The following MAGI1 variants were observed in gnomAD, a reference collection of about 807,000 sequenced individuals.
The protein encoded by MAGI1 is membrane-associated guanylate kinase, WW and PDZ domain-containing protein 1.
A neutral mutation model predicts 139.9 loss-of-function variants in MAGI1; 58 were observed. The ratio of observed to expected loss-of-function variants is 0.41; its 90% CI spans 0.34 to 0.52. The LOEUF (loss-of-function observed/expected upper bound fraction) is 0.52, where lower values mean the gene tolerates loss of function less well. MAGI1 is among the 20% of genes least tolerant of loss of function. MAGI1 has a pLI of 0.12. For missense variants in MAGI1, 1,874 were observed against 1,901.6 expected, an observed-to-expected ratio of 0.99 and a Z score of 0.27; for synonymous variants, 812 against 737.9, an observed-to-expected ratio of 1.10 and a Z score of -1.63.
intron 1 of MAGI1, among the ~76,000 whole-genome samples, chr3:65,782,232 T>C (rs992058345): frequency 1.3e-5 from 2 of 152,200 alleles, no homozygotes; most frequent in Admixed American, 1.3e-4. Flanking sequence ...AATAGGATTA[T>C]CTGGGTGGGC....
chr3:65,417,170 G>A (rs777799289), intron 12 of MAGI1, among the ~76,000 whole-genome samples: 5 of 152,162 alleles, frequency 3.3e-5, no homozygotes, highest in Admixed American at 1.3e-4. Context: ...GGGGCCTGTC[G>A]GAGGGCGGCA....
At chr3:65,378,825 G>C (rs1297240542) in intron 17 of MAGI1, among the ~76,000 whole-genome samples, 1 of 151,988 alleles carries the variant, frequency 6.6e-6, no homozygotes, top group Non-Finnish European at 1.5e-5. Context: ...GGGATTACAG[G>C]CATGCACTAC....
At chr3:65,837,843 A>C (rs1040850267) in intron 1 of MAGI1, among the ~76,000 whole-genome samples, 4 of 152,150 alleles carry the variant, frequency 2.6e-5, no homozygotes, top group Admixed American at 2.0e-4. Flanking sequence ...TTCGTCTTTA[A>C]AGGTCTAATA....
At chr3:65,497,870 G>A (rs1028842065) in intron 2 of MAGI1, among the ~76,000 whole-genome samples, 6 of 152,258 alleles carry the variant, frequency 3.9e-5, no homozygotes, top group East Asian at 3.9e-4. Flanking sequence ...GGATGCCTTA[G>A]AGCAGCATGG....
intron 1 of MAGI1, among the ~76,000 whole-genome samples, chr3:65,728,927 C>A (rs185252332): frequency 6.6e-6 from 1 of 151,982 alleles, no homozygotes; most frequent in Non-Finnish European, 1.5e-5. Flanking sequence ...CATCTCCTCA[C>A]AAAATGATCA....
At chr3:65,378,683 CTTTT>C (rs10557893) in intron 17 of MAGI1, among the ~76,000 whole-genome samples, 2 of 140,694 alleles carry the variant, frequency 1.4e-5, no homozygotes, top group African/African-American at 5.2e-5. Context: ...CTTTCCTTTT[CTTTT>C]TTTTTTTTTT....
At chr3:65,862,062 T>C (rs1165095840) in intron 1 of MAGI1, among the ~76,000 whole-genome samples, 1 of 152,326 alleles carries the variant, frequency 6.6e-6, no homozygotes, top group East Asian at 1.9e-4. Flanking sequence ...CTTTGCACTA[T>C]GTCTAATGAG....
At position 65,356,825 on chromosome 3, in the gene MAGI1, G is replaced by C; in HGVS notation, c.3942C>G (p.Ala1314=). The change falls in exon 23 of 23, where the codon GCC becomes GCG. Residue 1314 remains alanine, a synonymous_variant. Transcript: ENST00000402939. ...RRDAQAERAA[A]ANGPKRRSPE... ...GGGACCGCCTCTTGGGGCCGTTGGC[G>C]GCTGCCGCGCGCTCGGCCTGCGCGT... 1 of 1,612,036 alleles carries C rather than the reference G, an allele frequency of 6.2e-7. No individual in the cohort carries two copies. Among genetic ancestry groups the C allele is most frequent in the Non-Finnish European group, 8.5e-7 (1 of 1,178,698 alleles).
intron 1 of MAGI1, among the ~76,000 whole-genome samples, chr3:65,828,782 T>A (rs900643334): frequency 6.6e-6 from 1 of 152,180 alleles, no homozygotes; most frequent in Non-Finnish European, 1.5e-5. Flanking sequence ...TCTAATCACA[T>A]GAGTTATTAA....
intron 1 of MAGI1, among the ~76,000 whole-genome samples, chr3:65,949,024 C>T (rs769197554): frequency 6.6e-6 from 1 of 152,222 alleles, no homozygotes; most frequent in Non-Finnish European, 1.5e-5. Context: ...AAGATGGCAG[C>T]TGTCATTTCT....
chr3:65,960,686 T>C (rs1247830828), intron 1 of MAGI1, among the ~76,000 whole-genome samples: 10 of 152,216 alleles, frequency 6.6e-5, no homozygotes, highest in Admixed American at 3.9e-4. Flanking sequence ...ATAAATTTCA[T>C]TGTCCACACA....
At chr3:65,611,194 T>C (rs890660648) in intron 2 of MAGI1, among the ~76,000 whole-genome samples, 7 of 141,722 alleles carry the variant, frequency 4.9e-5, no homozygotes, top group African/African-American at 1.8e-4. Flanking sequence ...ATATGGTATA[T>C]ATGTGTGTAT....
intron 1 of MAGI1, among the ~76,000 whole-genome samples, chr3:65,964,176 G>C (rs2064616350): frequency 2.6e-5 from 4 of 152,148 alleles, no homozygotes; most frequent in Admixed American, 2.6e-4. Flanking sequence ...TCCTGTCCCT[G>C]TCTCATTCAC....
rs143119989 is a variant in MAGI1 at position 66,005,018 on chromosome 3, A to G, written c.313+32978T>C. On this transcript the variant is annotated intron_variant, in intron 1 of 22. Transcript: ENST00000402939. ...CCATTGACATCTGATTTAATGTACA[A>G]GAGTATTAAAACATCTGCTGAATTA... 5.8e-4 allele frequency among the ~76,000 whole-genome samples: 88 copies of G among 152,360 alleles called. 1 individual carries two copies. Among genetic ancestry groups the G allele is most frequent in the African/African-American group, 1.9e-3 (81 of 41,584 alleles).
chr3:65,712,123 T>C (rs2031524444), intron 1 of MAGI1, among the ~76,000 whole-genome samples: 1 of 152,184 alleles, frequency 6.6e-6, no homozygotes, highest in African/African-American at 2.4e-5. Flanking sequence ...CTCCTCCCAT[T>C]GAAAGGTAGG....
chr3:65,687,395 T>C, intron 1 of MAGI1: 1 of 348,940 alleles, frequency 2.9e-6, no homozygotes, highest in Non-Finnish European at 5.8e-6. Context: ...ACATATCCCG[T>C]TTGATTTCTA....
At chr3:65,820,830 C>T (rs758414767) in intron 1 of MAGI1, among the ~76,000 whole-genome samples, 10 of 152,096 alleles carry the variant, frequency 6.6e-5, no homozygotes, top group Non-Finnish European at 1.3e-4. Flanking sequence ...ACTAACTGTT[C>T]CAGGTCAATA....
chr3:65,804,185 C>T (rs900241220), intron 1 of MAGI1, among the ~76,000 whole-genome samples: 1 of 151,658 alleles, frequency 6.6e-6, no homozygotes, highest in African/African-American at 2.4e-5. Context: ...AATGGCCTGG[C>T]AGAGACCCTG....
At chr3:65,988,763 C>G (rs2066013631) in intron 1 of MAGI1, among the ~76,000 whole-genome samples, 1 of 152,158 alleles carries the variant, frequency 6.6e-6, no homozygotes. Flanking sequence ...AGAAAGAACT[C>G]ATTTTTAAGA....
Sources: gnomAD v4.1 joint callset for allele counts (sites outside exome capture counted in the v4.1 genomes callset) on GRCh38, gnomAD v4.1.1 for gene constraint, MANE v1.5 for transcripts, NCBI Gene and HGNC (gene_info 2026-07-23, HGNC 2026-07-21) for gene names.